VGLL4: variants seen among roughly 807,000 people sequenced by gnomAD.
VGLL4 encodes vestigial like family member 4, also known as transcription cofactor vestigial-like protein 4.
In VGLL4, 7 loss-of-function variants were observed where a neutral mutation model predicts 21.0. The observed-to-expected ratio is 0.33, with a 90% confidence interval of 0.19 to 0.63. The LOEUF is 0.63. Among genes scored for constraint, VGLL4 ranks in the 20% least tolerant of loss-of-function variants. The pLI is 0.78. For synonymous variants in VGLL4, 222 were observed against 173.2 expected, an observed-to-expected ratio of 1.28 and a Z score of -2.21; for missense variants, 394 against 425.7, an observed-to-expected ratio of 0.93 and a Z score of 0.66.
chr3:11,566,006 T>C (rs1220701171), intron 2 of VGLL4, among the ~76,000 whole-genome samples: 1 of 152,180 alleles, frequency 6.6e-6, no homozygotes, highest in Non-Finnish European at 1.5e-5. Context: ...GGTGGTGAAT[T>C]ATGATTTGAG....
At chr3:11,646,427 T>C (rs1210234648), upstream of VGLL4, among the ~76,000 whole-genome samples, 1 of 152,190 alleles carries the variant, frequency 6.6e-6, no homozygotes, top group Non-Finnish European at 1.5e-5. Context: ...GGGGGAGCTT[T>C]TAAAAATCTT....
chr3:11,560,193 T>C (rs2072854867), intron 3 of VGLL4, among the ~76,000 whole-genome samples: 1 of 152,148 alleles, frequency 6.6e-6, no homozygotes, highest in African/African-American at 2.4e-5. Context: ...CCCACCAAGA[T>C]TCAGCAAGTG....
chr3:11,699,959 A>T (rs1416870819), intron 2 of VGLL4, among the ~76,000 whole-genome samples: 1 of 152,196 alleles, frequency 6.6e-6, no homozygotes, highest in Non-Finnish European at 1.5e-5. Context: ...TCTTTCCCTT[A>T]GCAGTATCGT....
At chr3:11,676,938 T>G (rs556322714) in intron 2 of VGLL4, among the ~76,000 whole-genome samples, 1 of 152,278 alleles carries the variant, frequency 6.6e-6, no homozygotes, top group Admixed American at 6.5e-5. Flanking sequence ...ATTTTTTTGA[T>G]ATAAAAAAAT....
intron 1 of VGLL4, among the ~76,000 whole-genome samples, chr3:11,712,499 T>C (rs757353243): frequency 4.7e-4 from 71 of 152,162 alleles, no homozygotes; most frequent in Non-Finnish European, 1.6e-4. Context: ...AATGACCTGA[T>C]TGGATTCTCA....
At chr3:11,697,752 T>C (rs1031073189) in intron 2 of VGLL4, among the ~76,000 whole-genome samples, 1 of 152,170 alleles carries the variant, frequency 6.6e-6, no homozygotes, top group Non-Finnish European at 1.5e-5. Context: ...GTGTCCCCAT[T>C]ATAATAAAAG....
chr3:11,671,368 GC>G (rs2076213105), intron 2 of VGLL4: 2 of 1,093,036 alleles, frequency 1.8e-6, no homozygotes, highest in African/African-American at 3.1e-5. Context: ...CTACGATTCT[GC>G]ATTTCTAACA....
In VGLL4 at chr3:11,563,503, A is replaced by G. The variant is rs568673381; in HGVS notation, c.495+1294T>C. ...TCTTCTCATGTCCATTTCCCCAATTAGACTGGGAGCTCCCTGTGGCCGTGA... is the reference window on the plus strand; with the variant it reads ...TCTTCTCATGTCCATTTCCCCAATTGGACTGGGAGCTCCCTGTGGCCGTGA... On this transcript the variant is annotated intron_variant, in intron 3 of 4. Transcript: ENST00000430365. Among the ~76,000 whole-genome samples, 32 of 152,264 alleles carry G rather than the reference A, an allele frequency of 2.1e-4. No individual in the cohort carries two copies. In the South Asian group the frequency reaches 5.4e-3, roughly 26 times the overall value.
intron 3 of VGLL4, 70 bp from the exon 4 acceptor site, chr3:11,559,525 C>T: frequency 6.8e-7 from 1 of 1,463,414 alleles, no homozygotes; most frequent in South Asian, 1.4e-5. Flanking sequence ...GGGGCCCTCC[C>T]CAGCACCCTT....
intron 1 of VGLL4, among the ~76,000 whole-genome samples, chr3:11,713,906 G>A (rs2076884100): frequency 6.6e-6 from 1 of 152,008 alleles, no homozygotes; most frequent in African/African-American, 2.4e-5. Context: ...ACCACTCAAG[G>A]TTTCCTGATG....
At chr3:11,658,762 T>C (rs922197826) in intron 2 of VGLL4, among the ~76,000 whole-genome samples, 6 of 152,054 alleles carry the variant, frequency 3.9e-5, no homozygotes, top group Admixed American at 1.3e-4. Context: ...ATAGTCCAAA[T>C]AATTTGTCAG....
At chr3:11,577,181 T>G (rs1051332586) in intron 2 of VGLL4, among the ~76,000 whole-genome samples, 4 of 152,216 alleles carry the variant, frequency 2.6e-5, no homozygotes, top group African/African-American at 9.6e-5. Flanking sequence ...TGAGGAGACC[T>G]TCTGCCATTC....
intron 2 of VGLL4, chr3:11,693,144 C>T: frequency 4.8e-6 from 1 of 206,714 alleles, no homozygotes; most frequent in Non-Finnish European, 1.0e-5. Context: ...ATACTCCAGT[C>T]TGGGCAACAG....
intron 2 of VGLL4, among the ~76,000 whole-genome samples, chr3:11,663,811 T>C (rs951694497): frequency 2.6e-5 from 4 of 152,256 alleles, no homozygotes; most frequent in African/African-American, 9.6e-5. Flanking sequence ...TTTCTTTACA[T>C]ATCCTTGTTT....
intron 2 of VGLL4, among the ~76,000 whole-genome samples, chr3:11,572,108 A>G (rs78686999): frequency 6.6e-6 from 1 of 151,552 alleles, no homozygotes; most frequent in African/African-American, 2.4e-5. Context: ...ACCCTGTCTC[A>G]AAAAAAAAGT....
intron 2 of VGLL4, among the ~76,000 whole-genome samples, chr3:11,577,532 G>A (rs1229219521): frequency 6.6e-6 from 1 of 152,174 alleles, no homozygotes; most frequent in Non-Finnish European, 1.5e-5. Flanking sequence ...GGCAGAGGCT[G>A]CAGTGAGCCG....
At chr3:11,662,882 A>G (rs1215122730) in intron 2 of VGLL4, among the ~76,000 whole-genome samples, 69 of 152,220 alleles carry the variant, frequency 4.5e-4, no homozygotes, top group Non-Finnish European at 4.4e-5. Flanking sequence ...TACCTCAGAA[A>G]AACTAGGAAC....
At chr3:11,649,976 A>G (rs7610434) in intron 2 of VGLL4, among the ~76,000 whole-genome samples, 118,905 of 151,982 alleles carry the variant, frequency 0.78, 46,639 homozygotes, top group African/African-American at 0.82. Context: ...GTCTCCCTCT[A>G]TTGCCCAGGC....
chr3:11,697,399 G>A (rs556850812), intron 2 of VGLL4, among the ~76,000 whole-genome samples: 152 of 152,138 alleles, frequency 1.0e-3, no homozygotes, highest in South Asian at 6.4e-3. Context: ...GAGCCACCAT[G>A]CCCAGCCTAA....
Sources: allele counts gnomAD v4.1 joint callset (sites outside exome capture counted in the v4.1 genomes callset), GRCh38; gene constraint gnomAD v4.1.1; transcripts MANE v1.5; gene names NCBI Gene and HGNC (gene_info 2026-07-23, HGNC 2026-07-21).